The following CLSTN2 variants were observed in gnomAD, a reference collection of about 807,000 sequenced individuals.
The protein encoded by CLSTN2 is calsyntenin-2.
A neutral mutation model predicts 101.2 loss-of-function variants in CLSTN2; 48 were observed. The ratio of observed to expected loss-of-function variants is 0.47; its 90% CI spans 0.38 to 0.60. CLSTN2 has a LOEUF of 0.60. Ranked by LOEUF, CLSTN2 falls within the 20% of genes least tolerant of loss-of-function variation. CLSTN2 has a pLI of 0.00. For missense variants in CLSTN2, 1,160 were observed against 1,238.2 expected (o/e 0.94, Z 0.95); for synonymous variants, 481 against 463.6 (o/e 1.04, Z -0.48).
intron 9 of CLSTN2, 113 bp from the exon 10 acceptor site, chr3:140,546,402 A>C (rs1935583983): frequency 9.5e-7 from 1 of 1,051,140 alleles, no homozygotes; most frequent in Non-Finnish European, 1.4e-6. Context: ...GGAAAAGCTC[A>C]GGTTCAGGGG....
At chr3:140,043,170 T>G (rs2007796850) in intron 1 of CLSTN2, among the ~76,000 whole-genome samples, 2 of 152,152 alleles carry the variant, frequency 1.3e-5, no homozygotes, top group South Asian at 4.1e-4. Context: ...TTTCTCCACA[T>G]CCTCTCCAGC....
At chr3:140,097,968 T>G (rs2008899767) in intron 1 of CLSTN2, among the ~76,000 whole-genome samples, 1 of 152,152 alleles carries the variant, frequency 6.6e-6, no homozygotes, top group African/African-American at 2.4e-5. Context: ...ATTTTGTAAA[T>G]GCCTATACAA....
At chr3:139,966,258 C>T (rs935165452) in intron 1 of CLSTN2, among the ~76,000 whole-genome samples, 41 of 152,194 alleles carry the variant, frequency 2.7e-4, no homozygotes, top group African/African-American at 9.7e-4. Flanking sequence ...CATCCTCAAA[C>T]CCAGTTTTCA....
At chr3:140,261,134 T>C (rs775164873) in intron 2 of CLSTN2, among the ~76,000 whole-genome samples, 1 of 151,654 alleles carries the variant, frequency 6.6e-6, no homozygotes, top group Non-Finnish European at 1.5e-5. Context: ...TGGAAATGAC[T>C]ATACATAACC....
chr3:140,334,603 A>C (rs1333338993), intron 2 of CLSTN2, among the ~76,000 whole-genome samples: 1 of 152,220 alleles, frequency 6.6e-6, no homozygotes, highest in Non-Finnish European at 1.5e-5. Context: ...CCCATCAACA[A>C]AAATAATTTC....
In CLSTN2 at chr3:140,108,550, G is replaced by GT. The variant is rs547389231; in HGVS notation, c.110-67395dup. ...CCCATTGAATTTTTTATTTGTTTTT[G>GT]TTTTTTGTGTTTTTTATTAAAAAGA... On this transcript the variant is annotated intron_variant, in intron 1 of 16. Transcript: ENST00000458420. Among the ~76,000 whole-genome samples the GT allele has an allele frequency of 2.6e-3, 397 of 152,048 alleles. 3 individuals carry two copies. The highest frequency in any genetic ancestry group is 5.6e-3 in the Admixed American group (85 of 15,276).
chr3:140,086,552 A>T (rs1336684113), intron 1 of CLSTN2, among the ~76,000 whole-genome samples: 3 of 152,184 alleles, frequency 2.0e-5, no homozygotes, highest in Non-Finnish European at 4.4e-5. Context: ...TGTTATTGTA[A>T]TTACAAATAC....
intron 2 of CLSTN2, among the ~76,000 whole-genome samples, chr3:140,379,619 C>G (rs1405563084): frequency 6.6e-6 from 1 of 152,176 alleles, no homozygotes; most frequent in Non-Finnish European, 1.5e-5. Flanking sequence ...AGTAAAATAG[C>G]AAAACACAGC....
intron 1 of CLSTN2, among the ~76,000 whole-genome samples, chr3:140,059,138 C>A (rs936281537): frequency 2.0e-5 from 3 of 152,238 alleles, no homozygotes; most frequent in African/African-American, 7.2e-5. Context: ...GGGAAATGTA[C>A]CTAACCTCAC....
intron 1 of CLSTN2, among the ~76,000 whole-genome samples, chr3:140,151,097 T>C (rs1576446691): frequency 6.6e-6 from 1 of 152,056 alleles, no homozygotes; most frequent in African/African-American, 2.4e-5. Flanking sequence ...AGCAGGTACT[T>C]GATAAATGGT....
chr3:140,351,909 C>G (rs1446648641), intron 2 of CLSTN2, among the ~76,000 whole-genome samples: 1 of 151,414 alleles, frequency 6.6e-6, no homozygotes, highest in Non-Finnish European at 1.5e-5. Flanking sequence ...TCCAAGAGTA[C>G]TGATATGTGT....
chr3:140,316,601 T>C (rs2087233953), intron 2 of CLSTN2, among the ~76,000 whole-genome samples: 1 of 152,338 alleles, frequency 6.6e-6, no homozygotes, highest in African/African-American at 2.4e-5. Context: ...ATTCTGCTGG[T>C]ATGTCAGTTT....
chr3:140,228,072 A>G (rs2086339039), intron 2 of CLSTN2, among the ~76,000 whole-genome samples: 1 of 152,354 alleles, frequency 6.6e-6, no homozygotes, highest in South Asian at 2.1e-4. Flanking sequence ...AAATTTCTGC[A>G]GCTGGCTTGA....
At chr3:140,457,357 T>C (rs6791077) in intron 6 of CLSTN2, among the ~76,000 whole-genome samples, 35,526 of 152,242 alleles carry the variant, frequency 0.23, 4,551 homozygotes, top group Admixed American at 0.36. Context: ...TGGACAAGTT[T>C]TGGTATCAGA....
intron 4 of CLSTN2, among the ~76,000 whole-genome samples, chr3:140,408,579 A>C (rs1279265335): frequency 6.6e-6 from 1 of 152,158 alleles, no homozygotes; most frequent in Non-Finnish European, 1.5e-5. Flanking sequence ...ACCAACAACC[A>C]GTATAGCCAT....
intron 1 of CLSTN2, among the ~76,000 whole-genome samples, chr3:140,171,827 TAATAAC>T (rs2010237922): frequency 1.0e-5 from 1 of 98,836 alleles, no homozygotes; most frequent in Non-Finnish European, 2.0e-5. Context: ...ATATTATATA[TAATAAC>T]AATATATAAT....
chr3:140,209,465 C>T (rs959222191), intron 2 of CLSTN2, among the ~76,000 whole-genome samples: 4 of 152,130 alleles, frequency 2.6e-5, no homozygotes, highest in Non-Finnish European at 4.4e-5. Flanking sequence ...AGATAGCACT[C>T]TCCTCTCAAT....
intron 2 of CLSTN2, among the ~76,000 whole-genome samples, chr3:140,388,996 T>A (rs2088083240): frequency 6.6e-6 from 1 of 152,240 alleles, no homozygotes; most frequent in Admixed American, 6.5e-5. Flanking sequence ...CCTGTTAATG[T>A]GATTAATTAG....
intron 2 of CLSTN2, among the ~76,000 whole-genome samples, chr3:140,229,824 C>T (rs1479724573): frequency 1.3e-5 from 2 of 152,140 alleles, no homozygotes; most frequent in African/African-American, 4.8e-5. Context: ...ATGTTAAGTA[C>T]TAACCATGAA....
Sources: allele counts gnomAD v4.1 joint callset (sites outside exome capture counted in the v4.1 genomes callset), GRCh38; gene constraint gnomAD v4.1.1; transcripts MANE v1.5; gene names NCBI Gene and HGNC (gene_info 2026-07-23, HGNC 2026-07-21).